Variants in TDRD7 observed in about 807,000 individuals in gnomAD.
The protein encoded by TDRD7 is tudor domain containing 7, also known as tudor domain-containing protein 7.
A neutral mutation model predicts 109.8 loss-of-function variants in TDRD7; 47 were observed. The observed-to-expected ratio is 0.43, with a 90% CI of 0.34 to 0.55. The LOEUF is 0.55. Among genes scored for constraint, TDRD7 ranks in the 20% least tolerant of loss-of-function variants. The pLI, the probability that TDRD7 is intolerant of heterozygous loss-of-function variation, is 0.03. For missense variants in TDRD7, 1,164 were observed against 1,319.2 expected (o/e 0.88, Z 1.82); for synonymous variants, 424 against 457.3 (o/e 0.93, Z 0.93).
chr9:97,462,762 C>G (rs1393658665), intron 7 of TDRD7, among the ~76,000 whole-genome samples: 1 of 152,246 alleles, frequency 6.6e-6, no homozygotes, highest in African/African-American at 2.4e-5. Flanking sequence ...GCTGTAATGT[C>G]AGTCCTGCAC....
intron 16 of TDRD7, among the ~76,000 whole-genome samples, chr9:97,494,266 C>G (rs368899654): frequency 6.6e-6 from 1 of 152,128 alleles, no homozygotes; most frequent in Non-Finnish European, 1.5e-5. Context: ...TGGCTTCAGC[C>G]GGTCCCTCCA....
intron 1 of TDRD7, among the ~76,000 whole-genome samples, chr9:97,427,587 T>A (rs182293411): frequency 6.6e-6 from 1 of 152,302 alleles, no homozygotes; most frequent in Non-Finnish European, 1.5e-5. Context: ...CTTCTCCGTG[T>A]CCAAAATGAA....
chr9:97,427,271 A>T (rs1188982554), intron 1 of TDRD7, among the ~76,000 whole-genome samples: 1 of 152,052 alleles, frequency 6.6e-6, no homozygotes, highest in Non-Finnish European at 1.5e-5. Flanking sequence ...CAAAACTACA[A>T]CTAGATGTAA....
intron 14 of TDRD7, 72 bp from the exon 15 acceptor site, chr9:97,482,777 G>T (rs1829136984): frequency 6.6e-7 from 1 of 1,515,796 alleles, no homozygotes. Context: ...TAATGATTAA[G>T]GTTACTATAA....
intron 6 of TDRD7, among the ~76,000 whole-genome samples, chr9:97,454,382 A>G (rs968973432): frequency 6.6e-6 from 1 of 152,148 alleles, no homozygotes; most frequent in Non-Finnish European, 1.5e-5. Flanking sequence ...CAGGAGGCTG[A>G]GGGAGGAAAA....
chr9:97,423,851 C>G (rs1827939469), intron 1 of TDRD7, among the ~76,000 whole-genome samples: 2 of 151,956 alleles, frequency 1.3e-5, no homozygotes, highest in African/African-American at 4.8e-5. Flanking sequence ...TAATTTTGTT[C>G]TATTCACAGA....
intron 16 of TDRD7, among the ~76,000 whole-genome samples, chr9:97,491,647 TC>T (rs1389884160): frequency 6.6e-6 from 1 of 152,170 alleles, no homozygotes; most frequent in Non-Finnish European, 1.5e-5. Flanking sequence ...TTGGGGTCTT[TC>T]CCCCTAGCTT....
intron 13 of TDRD7, among the ~76,000 whole-genome samples, chr9:97,479,643 C>T (rs1389783325): frequency 6.6e-6 from 1 of 152,142 alleles, no homozygotes; most frequent in Non-Finnish European, 1.5e-5. Context: ...CCAGCCCAAG[C>T]CTCTGGCTCA....
rs77679048 is a variant in TDRD7 at position 97,426,707 on chromosome 9, T to A, written c.-6-1753T>A. Among the ~76,000 whole-genome samples the A allele has an allele frequency of 7.9e-3, 1,203 of 152,332 alleles. 39 individuals are homozygous for A. In the East Asian group the frequency reaches 0.1, roughly 13 times the overall value. ...TACAGAACCTCTTTTATATATGCAG[T>A]CCGTTGTTGACTAAAACACTGTTAA... is the stretch of plus-strand genomic sequence containing the variant. On this transcript the variant is annotated intron_variant, in intron 1 of 16. Coordinates refer to ENST00000355295, the MANE Select transcript of TDRD7 (RefSeq NM_014290.3).
intron 1 of TDRD7, among the ~76,000 whole-genome samples, chr9:97,413,076 C>T (rs1827748017): frequency 6.6e-6 from 1 of 152,158 alleles, no homozygotes; most frequent in Admixed American, 6.5e-5. Flanking sequence ...CACCGCCCAT[C>T]CAAACCAAAC....
chr9:97,429,008 TG>T (rs1301810408), intron 2 of TDRD7, among the ~76,000 whole-genome samples: 1 of 152,238 alleles, frequency 6.6e-6, no homozygotes, highest in African/African-American at 2.4e-5. Context: ...CAAATGTTTT[TG>T]CCAAAGTCAC....
intron 4 of TDRD7, among the ~76,000 whole-genome samples, chr9:97,438,282 C>A (rs1828238268): frequency 6.6e-6 from 1 of 152,128 alleles, no homozygotes; most frequent in Non-Finnish European, 1.5e-5. Context: ...CTAATCATTT[C>A]TTTTAGAATT....
chr9:97,471,363 G>T (rs146821894), intron 9 of TDRD7, among the ~76,000 whole-genome samples: 100 of 152,274 alleles, frequency 6.6e-4, no homozygotes, highest in African/African-American at 2.3e-3. Flanking sequence ...TTCCCAGTGG[G>T]ATGAATTCTT....
At chr9:97,468,761 G>A (rs368476802) in intron 8 of TDRD7, among the ~76,000 whole-genome samples, 14 of 152,218 alleles carry the variant, frequency 9.2e-5, no homozygotes, top group South Asian at 4.1e-4. Context: ...GATAGGTAGT[G>A]CTGGGAGACC....
chr9:97,478,606 A>G lies in TDRD7; in HGVS notation c.2301+33A>G, dbSNP rs764993686. On this transcript the variant is annotated intron_variant, in intron 13 of 16. Coordinates refer to ENST00000355295, the MANE Select transcript of TDRD7 (RefSeq NM_014290.3). ...GTTACCAGCCTGGGAGATTTGCTGG[A>G]ACAGATTTGGATGTGTTCATAATCT... The G allele has an allele frequency of 6.2e-6, 10 of 1,613,234 alleles. No individual in the cohort carries two copies. In the Admixed American group the frequency reaches 1.7e-4, roughly 27 times the overall value.
intron 5 of TDRD7, among the ~76,000 whole-genome samples, chr9:97,440,883 T>G (rs2118361206): frequency 6.6e-6 from 1 of 152,348 alleles, no homozygotes; most frequent in Non-Finnish European, 1.5e-5. Flanking sequence ...CTGTCAGCTA[T>G]AGTAAACACT....
chr9:97,455,999 C>T (rs1334324551), intron 6 of TDRD7, among the ~76,000 whole-genome samples: 1 of 152,134 alleles, frequency 6.6e-6, no homozygotes, highest in African/African-American at 2.4e-5. Flanking sequence ...AACCAACATG[C>T]AAAAATCACA....
At chr9:97,431,223 A>G (rs1828099219) in intron 3 of TDRD7, 149 bp downstream of exon 3, 11 of 1,259,786 alleles carry the variant, frequency 8.7e-6, no homozygotes, top group Non-Finnish European at 1.2e-5. Flanking sequence ...TAGCATTTCC[A>G]TTTGAAATTC....
rs368187660 is a variant in TDRD7 at position 97,431,078 on chromosome 9, G to A, written c.349+4G>A. The A allele has an allele frequency of 1.9e-6, 3 of 1,613,596 alleles. No individual in the cohort carries two copies. The highest frequency in any genetic ancestry group is 2.7e-5 in the African/African-American group (2 of 74,886). ...ACCATGCCATTTTTTCTAGAAGGTA[G>A]GAGCTTTTTACATGCTAAAATTTTT... On this transcript the variant is annotated splice_donor_region_variant and intron_variant, in intron 3 of 16. Coordinates refer to ENST00000355295, the MANE Select transcript of TDRD7 (RefSeq NM_014290.3).
Sources: allele counts gnomAD v4.1 joint callset (sites outside exome capture counted in the v4.1 genomes callset), GRCh38; gene constraint gnomAD v4.1.1; transcripts MANE v1.5; gene names NCBI Gene and HGNC (gene_info 2026-07-23, HGNC 2026-07-21).